The following DOCK4 variants were observed in gnomAD, a reference collection of about 807,000 sequenced individuals.
The protein encoded by DOCK4 is dedicator of cytokinesis protein 4.
A neutral mutation model predicts 268.1 loss-of-function variants in DOCK4; 97 were observed. That is an observed-to-expected ratio of 0.36 (90% CI 0.31 to 0.43). The LOEUF (loss-of-function observed/expected upper bound fraction) is 0.43. Among genes scored for constraint, DOCK4 ranks in the 20% least tolerant of loss-of-function variants. The pLI is 1.00. For missense variants in DOCK4, 2,145 were observed against 2,455.7 expected (o/e 0.87, Z 2.67); for synonymous variants, 954 against 887.2 (o/e 1.08, Z -1.34).
At chr7:111,822,509 T>A in intron 26 of DOCK4, 53 bp from the exon 27 acceptor site, 4 of 1,428,250 alleles carry the variant, frequency 2.8e-6, no homozygotes, top group Non-Finnish European at 2.9e-6. Context: ...ACTGTCAACA[T>A]ACATACGCAC....
intron 1 of DOCK4, among the ~76,000 whole-genome samples, chr7:112,134,986 C>T (rs1563119442): frequency 3.3e-5 from 5 of 151,966 alleles, no homozygotes; most frequent in Non-Finnish European, 5.9e-5. Context: ...ACCATTAAAA[C>T]ATATATGTGT....
In DOCK4 at chr7:112,117,560, A is replaced by G. The variant is rs368953203; in HGVS notation, c.37+88542T>C. On this transcript the variant is annotated intron_variant, in intron 1 of 52. Transcript: ENST00000428084. ...TAATTTTTGTATTTTTAGTAGAGACAGGGTTTCACCATGTTGGCCAGGCTG... is the reference window on the plus strand; with the variant it reads ...TAATTTTTGTATTTTTAGTAGAGACGGGGTTTCACCATGTTGGCCAGGCTG... Among the ~76,000 whole-genome samples, 27 of 152,158 alleles carry G rather than the reference A, an allele frequency of 1.8e-4. No individual in the cohort carries two copies. The East Asian group carries it at 3.1e-3, about 17-fold the overall frequency.
intron 1 of DOCK4, among the ~76,000 whole-genome samples, chr7:112,047,328 AC>A (rs1374051691): frequency 4.6e-5 from 7 of 152,244 alleles, no homozygotes; most frequent in African/African-American, 1.7e-4. Flanking sequence ...CCACAGATAC[AC>A]AATAAAAATT....
chr7:111,911,397 A>G (rs1420291158), intron 13 of DOCK4, among the ~76,000 whole-genome samples: 2 of 152,212 alleles, frequency 1.3e-5, no homozygotes, highest in African/African-American at 4.8e-5. Flanking sequence ...TGAGTTTTAA[A>G]GTTGCTTTCA....
rs191618643 is a variant in DOCK4, at chr7:112,061,668, G to A, written c.38-57537C>T. 3.4e-3 allele frequency among the ~76,000 whole-genome samples: 505 copies of A among 149,210 alleles called. 4 individuals carry two copies. The highest frequency in any genetic ancestry group is 0.012 in the African/African-American group (473 of 40,428). On this transcript the variant is annotated intron_variant, in intron 1 of 52. Coordinates refer to ENST00000428084, the MANE Select transcript of DOCK4 (RefSeq NM_001363540.2). ...TTTTCCTTTAAAAAGAATTATAAAC[G>A]TAACTGATTCATAGCAGCACTTGCC...
At chr7:111,808,038 A>G (rs1800810308) in intron 30 of DOCK4, 1 of 152,214 alleles carries the variant, frequency 6.6e-6, no homozygotes, top group Non-Finnish European at 1.5e-5. Flanking sequence ...GATAAGCCCA[A>G]GAGAAAAGAT....
At chr7:111,956,532 G>C (rs951808242) in intron 8 of DOCK4, among the ~76,000 whole-genome samples, 1 of 152,170 alleles carries the variant, frequency 6.6e-6, no homozygotes, top group Non-Finnish European at 1.5e-5. Flanking sequence ...GCAAGAAGCT[G>C]CCTTTCCTTT....
rs546408692 is a variant in DOCK4, at chr7:112,006,951, C to CT, written c.38-2821dup. Among the ~76,000 whole-genome samples, 180 of 152,320 alleles carry CT rather than the reference C, an allele frequency of 1.2e-3. 1 individual carries two copies. Among genetic ancestry groups the CT allele is most frequent in the African/African-American group, 4.1e-3 (172 of 41,582 alleles). On this transcript the variant is annotated intron_variant, in intron 1 of 52. Transcript: ENST00000428084. ...CAGCCACACACAAATTCTCATTAAGCTTTTTCTTGCAGACCTCAGTGCTTT... is the reference window on the plus strand; with the variant it reads ...CAGCCACACACAAATTCTCATTAAGCTTTTTTCTTGCAGACCTCAGTGCTTT...
chr7:111,773,256 A>G (rs1798237242), intron 36 of DOCK4, among the ~76,000 whole-genome samples: 1 of 152,212 alleles, frequency 6.6e-6, no homozygotes, highest in South Asian at 2.1e-4. Flanking sequence ...GAATCCTAGA[A>G]AGATAGAAAA....
At position 111,728,464 on chromosome 7, in the gene DOCK4, C is replaced by T. The variant is rs549577916; in HGVS notation, c.5738G>A (p.Ser1913Asn). The T allele has an allele frequency of 4.5e-5, 72 of 1,610,518 alleles. No individual in the cohort carries two copies. In the Admixed American group the frequency reaches 1.1e-3, roughly 25 times the overall value. The change falls in exon 53 of 53, where the codon AGC becomes AAC. Residue 1913 changes from serine to asparagine, a missense_variant. Physicochemically the swap from Ser to Asn is conservative, Grantham distance 46. This residue lies in a region of DOCK4 where 547 missense variants were observed against 469.0 expected (regional missense o/e 1.17). Transcript: ENST00000428084. ...RKESKTPPPY[S>N]VYERTLRRPV... ...GCGCCGCAGAGTCCGCTCGTAGACG[C>T]TGTACGGGGGCGGAGTCTTGCTCTC... is the stretch of plus-strand genomic sequence containing the variant.
At position 111,767,023 on chromosome 7, in the gene DOCK4, G is replaced by T. The variant is rs369611717; in HGVS notation, c.3915+9C>A. ...TATGGCCTGATCAGGATGCATCCAG[G>T]CACCTTACCCGCATCTTGCTCAGGT... On this transcript the variant is annotated intron_variant, in intron 38 of 52. Coordinates refer to ENST00000428084, the MANE Select transcript of DOCK4 (RefSeq NM_001363540.2). 5 of 1,610,574 alleles carry T rather than the reference G, an allele frequency of 3.1e-6. No homozygotes were observed. The African/African-American group carries it at 5.4e-5, about 17-fold the overall frequency.
intron 1 of DOCK4, among the ~76,000 whole-genome samples, chr7:112,028,844 T>C (rs571344545): frequency 4.6e-5 from 7 of 152,330 alleles, no homozygotes; most frequent in Non-Finnish European, 7.3e-5. Flanking sequence ...ACAACAAGCA[T>C]TTCACACCGA....
intron 30 of DOCK4, among the ~76,000 whole-genome samples, chr7:111,797,043 A>C (rs1799944342): frequency 6.6e-6 from 1 of 152,196 alleles, no homozygotes; most frequent in Non-Finnish European, 1.5e-5. Flanking sequence ...TTTTATTCTC[A>C]CTTCTTTTTC....
At chr7:111,915,337 C>T (rs144178935) in intron 13 of DOCK4, among the ~76,000 whole-genome samples, 61 of 152,272 alleles carry the variant, frequency 4.0e-4, no homozygotes, top group African/African-American at 1.4e-3. Context: ...TTGCATATGG[C>T]TGCTTATTTA....
intron 12 of DOCK4, among the ~76,000 whole-genome samples, chr7:111,922,803 G>A (rs1462380011): frequency 6.6e-6 from 1 of 151,884 alleles, no homozygotes; most frequent in Admixed American, 6.6e-5. Context: ...GTATGGTCTC[G>A]ATCTCCTGAC....
At chr7:111,984,172 G>C in intron 7 of DOCK4, 134 bp downstream of exon 7, 1 of 742,494 alleles carries the variant, frequency 1.3e-6, no homozygotes, top group Non-Finnish European at 2.2e-6. Flanking sequence ...GGTCACCTCA[G>C]CTCTCAAGTC....
At chr7:111,810,153 T>C (rs1291648551) in intron 28 of DOCK4, among the ~76,000 whole-genome samples, 1 of 152,104 alleles carries the variant, frequency 6.6e-6, no homozygotes, top group Non-Finnish European at 1.5e-5. Flanking sequence ...AGTAAAATAA[T>C]GAATAAAAGT....
chr7:111,890,626 C>A (rs1345965977), intron 16 of DOCK4, among the ~76,000 whole-genome samples: 6 of 152,128 alleles, frequency 3.9e-5, no homozygotes, highest in Non-Finnish European at 8.8e-5. Flanking sequence ...ATTCCTTAGA[C>A]CCTGCCTAAA....
intron 13 of DOCK4, among the ~76,000 whole-genome samples, chr7:111,909,372 C>T (rs945663473): frequency 1.3e-5 from 2 of 152,212 alleles, no homozygotes; most frequent in African/African-American, 2.4e-5. Flanking sequence ...ATAAGACAAA[C>T]ATCTCTATAA....
Sources: gnomAD v4.1 joint callset for allele counts (sites outside exome capture counted in the v4.1 genomes callset) on GRCh38, gnomAD v4.1.1 for gene constraint, gnomAD v4.1.1 regional missense constraint, MANE v1.5 for transcripts, NCBI Gene and HGNC (gene_info 2026-07-23, HGNC 2026-07-21) for gene names.